Variants in CLUAP1 observed in about 807,000 individuals in gnomAD.
CLUAP1 encodes the protein clusterin-associated protein 1.
CLUAP1 carries 50 observed loss-of-function variants against 55.0 expected under a neutral mutation model. That is an observed-to-expected ratio of 0.91 (90% CI 0.72 to 1.15). The LOEUF (loss-of-function observed/expected upper bound fraction) is 1.15. Among genes scored for constraint, CLUAP1 ranks in the 50% most tolerant of loss-of-function variants. The pLI is 0.00. For missense variants in CLUAP1, 530 were observed against 507.6 expected, an observed-to-expected ratio of 1.04 and a Z score of -0.42; for synonymous variants, 195 against 175.4, an observed-to-expected ratio of 1.11 and a Z score of -0.88.
chr16:3,526,783 T>C lies in CLUAP1; in HGVS notation c.928+299T>C, dbSNP rs137953929. Among the ~76,000 whole-genome samples the C allele has an allele frequency of 2.9e-3, 444 of 152,250 alleles. 5 individuals are homozygous for C. The highest frequency in any genetic ancestry group is 9.7e-3 in the African/African-American group (402 of 41,548). ...TTTAAATATAGCATTTAAAACACAT[T>C]TCGTTCTTGTGCCAGTTAAGATAGT... On this transcript the variant is annotated intron_variant, in intron 9 of 11. Coordinates refer to ENST00000576634, the MANE Select transcript of CLUAP1 (RefSeq NM_015041.3).
chr16:3,522,693 G>C (rs1462888671), intron 7 of CLUAP1, among the ~76,000 whole-genome samples: 1 of 152,078 alleles, frequency 6.6e-6, no homozygotes, highest in East Asian at 1.9e-4. Flanking sequence ...TAGGGTTACA[G>C]GTGTGAGCCG....
rs181348137 is a variant in CLUAP1, at chr16:3,520,416, G to A, written c.713+380G>A. Among the ~76,000 whole-genome samples, 25 of 152,048 alleles carry A rather than the reference G, an allele frequency of 1.6e-4. No individual in the cohort carries two copies. The East Asian group carries it at 3.7e-3, about 22-fold the overall frequency. On this transcript the variant is annotated intron_variant, in intron 7 of 11. Transcript: ENST00000576634. The stretch of plus-strand genomic sequence containing the variant: ...AAAAGAAAAAAAAAGTTAGAACAAA[G>A]ACTTAAGAGAATAGAATGTGATCTT...
chr16:3,529,417 ATAT>A (rs2038012426), intron 9 of CLUAP1, among the ~76,000 whole-genome samples: 2 of 78,746 alleles, frequency 2.5e-5, no homozygotes, highest in Non-Finnish European at 4.5e-5. Context: ...TATGTCATAT[ATAT>A]TATTATATAT....
At chr16:3,501,379 G>A (rs1039206460) in intron 1 of CLUAP1, among the ~76,000 whole-genome samples, 3 of 152,232 alleles carry the variant, frequency 2.0e-5, no homozygotes, top group Non-Finnish European at 4.4e-5. Context: ...ATTTTTAAGT[G>A]TAATTTATTT....
chr16:3,532,319 T>G (rs552025909), intron 10 of CLUAP1, among the ~76,000 whole-genome samples: 3 of 152,210 alleles, frequency 2.0e-5, no homozygotes, highest in East Asian at 1.9e-4. Flanking sequence ...CCATAAATTT[T>G]TATTTTAATA....
chr16:3,530,527 T>G (rs1314641537), intron 9 of CLUAP1, 41 bp from the exon 10 acceptor site: 8 of 1,459,894 alleles, frequency 5.5e-6, no homozygotes, highest in Non-Finnish European at 5.8e-6. Context: ...GTTGTGATCA[T>G]GAAGCCACTC....
chr16:3,532,660 G>T, intron 10 of CLUAP1, 126 bp from the exon 11 acceptor site: 1 of 924,006 alleles, frequency 1.1e-6, no homozygotes. Flanking sequence ...TCCTGTCTCA[G>T]CCTCCCAAAT....
chr16:3,512,538 A>G lies in CLUAP1; in HGVS notation c.495+60A>G, dbSNP rs2037650010. The G allele has an allele frequency of 1.3e-5, 17 of 1,301,660 alleles. No homozygotes were observed. In the South Asian group the frequency reaches 1.3e-4, roughly 10 times the overall value. The allele number at this position is 1,301,660 out of a possible 1,614,324, so 80.6% of individuals were successfully genotyped here. On this transcript the variant is annotated intron_variant, in intron 5 of 11. Coordinates refer to ENST00000576634, the MANE Select transcript of CLUAP1 (RefSeq NM_015041.3). ...TTTCTCTTCAAGGTTTTCTTTTTCA[A>G]TTCTGTTTCTCCCTTTTCAGTTCTG...
intron 10 of CLUAP1, among the ~76,000 whole-genome samples, chr16:3,531,551 A>G (rs2038119900): frequency 6.6e-6 from 1 of 152,210 alleles, no homozygotes; most frequent in Non-Finnish European, 1.5e-5. Flanking sequence ...AAACAAAAAA[A>G]GACTCAGGCA....
intron 9 of CLUAP1, 56 bp downstream of exon 9, chr16:3,526,540 G>T: frequency 8.5e-7 from 1 of 1,174,696 alleles, no homozygotes; most frequent in South Asian, 1.5e-5. Context: ...TTTCAGCCTT[G>T]AAATATATAT....
chr16:3,515,726 G>A (rs2037717929), intron 6 of CLUAP1, 135 bp downstream of exon 6: 4 of 520,218 alleles, frequency 7.7e-6, no homozygotes, highest in Non-Finnish European at 1.3e-5. Flanking sequence ...AAACTCAAGA[G>A]GACATTCGAG....
Position 3,529,615 on chromosome 16 carries a change from A to AT in CLUAP1, c.929-953_929-952insT, listed in dbSNP as rs1567439743. The stretch of plus-strand genomic sequence containing the variant: ...TATTATTATATATTATATATTATAT[A>AT]ATATTATATATTATATATTATTATA... On this transcript the variant is annotated intron_variant, in intron 9 of 11. Transcript: ENST00000576634. Among the ~76,000 whole-genome samples the AT allele has an allele frequency of 4.5e-3, 116 of 26,042 alleles. 2 individuals are homozygous for AT. The highest frequency in any genetic ancestry group is 0.014 in the African/African-American group (77 of 5,340). 17.1% of individuals were successfully genotyped at this position (26,042 alleles called of 152,430 possible).
intron 6 of CLUAP1, among the ~76,000 whole-genome samples, chr16:3,518,119 C>T (rs1251522770): frequency 1.3e-5 from 2 of 152,084 alleles, no homozygotes; most frequent in African/African-American, 4.8e-5. Flanking sequence ...GGTATTGGAA[C>T]GTCTGGTCAG....
In CLUAP1 at chr16:3,510,395, G is replaced by A. The variant is rs148313044; in HGVS notation, c.399+1927G>A. 7.3e-5 allele frequency among the ~76,000 whole-genome samples: 11 copies of A among 151,538 alleles called. No homozygotes were observed. The East Asian group carries it at 1.9e-3, about 27-fold the overall frequency. On this transcript the variant is annotated intron_variant, in intron 4 of 11. Transcript: ENST00000576634. ...GGTGATCTGCCTGCCTCGGCCTCCC[G>A]TAGTGCTGGGATTATAGGCGTGAGC... is the stretch of plus-strand genomic sequence containing the variant.
At chr16:3,508,705 C>A (rs1274360160) in intron 4 of CLUAP1, among the ~76,000 whole-genome samples, 1 of 152,012 alleles carries the variant, frequency 6.6e-6, no homozygotes, top group East Asian at 1.9e-4. Flanking sequence ...CAGTTGTGAA[C>A]AAAAAGGACA....
intron 6 of CLUAP1, among the ~76,000 whole-genome samples, chr16:3,516,879 T>G (rs1420767088): frequency 1.3e-5 from 2 of 151,702 alleles, no homozygotes; most frequent in East Asian, 1.9e-4. Flanking sequence ...TAAGGAAGAG[T>G]TCAAAGGAGG....
chr16:3,520,230 AGTATGGT>A (rs2037807878), intron 7 of CLUAP1, among the ~76,000 whole-genome samples, 194 bp downstream of exon 7: 2 of 151,892 alleles, frequency 1.3e-5, no homozygotes, highest in South Asian at 4.2e-4. Flanking sequence ...AAATTACCTC[AGTATGGT>A]GATACACACC....
chr16:3,503,300 C>G (rs1419936547), intron 1 of CLUAP1, among the ~76,000 whole-genome samples: 1 of 151,840 alleles, frequency 6.6e-6, no homozygotes, highest in Non-Finnish European at 1.5e-5. Flanking sequence ...GTAGCTGGGA[C>G]TACAGGTGCC....
intron 9 of CLUAP1, among the ~76,000 whole-genome samples, chr16:3,530,093 G>T (rs1189482445): frequency 1.3e-5 from 2 of 150,654 alleles, no homozygotes; most frequent in African/African-American, 4.9e-5. Flanking sequence ...CATGGCAGAA[G>T]GGCAAAGAGA....
Sources: allele counts gnomAD v4.1 joint callset (sites outside exome capture counted in the v4.1 genomes callset), GRCh38; gene constraint gnomAD v4.1.1; transcripts MANE v1.5; gene names NCBI Gene and HGNC (gene_info 2026-07-23, HGNC 2026-07-21).